SUSD5: variants seen among roughly 807,000 people sequenced by gnomAD.
The protein encoded by SUSD5 is sushi domain containing 5.
In SUSD5, 33 loss-of-function variants were observed where a neutral mutation model predicts 29.5. The ratio of observed to expected loss-of-function variants is 1.12; its 90% CI spans 0.85 to 1.49. The LOEUF (loss-of-function observed/expected upper bound fraction) is 1.49. SUSD5 is among the 40% of genes most tolerant of loss of function. SUSD5 has a pLI of 0.00. For missense variants in SUSD5, 776 were observed against 800.6 expected, an observed-to-expected ratio of 0.97 and a Z score of 0.37; for synonymous variants, 308 against 325.3, an observed-to-expected ratio of 0.95 and a Z score of 0.57.
intron 3 of SUSD5, chr3:33,190,117 T>C (rs2031861875): frequency 6.6e-6 from 1 of 152,666 alleles, no homozygotes; most frequent in Non-Finnish European, 1.5e-5. Context: ...AACAAAAATA[T>C]TCATCAGTCA....
chr3:33,211,294 C>A (rs528612075), intron 2 of SUSD5, among the ~76,000 whole-genome samples: 1 of 152,320 alleles, frequency 6.6e-6, no homozygotes, highest in South Asian at 2.1e-4. Flanking sequence ...CCTTTCTAAT[C>A]ATCCAGTCCT....
intron 4 of SUSD5, among the ~76,000 whole-genome samples, chr3:33,154,320 C>T (rs1207790661): frequency 2.0e-5 from 3 of 152,056 alleles, no homozygotes; most frequent in African/African-American, 7.2e-5. Context: ...GCCAGGAGTT[C>T]GAGACCAGCC....
In SUSD5 at chr3:33,174,938, C is replaced by A; in HGVS notation, c.546G>T (p.Leu182Phe). Residue 182 changes from leucine (L) to phenylalanine (F), a missense_variant, in exon 4 of 5, where the codon TTG becomes TTT. Transcript: ENST00000309558. ...IMGHRETAFT[L>F]LCNSCGEWYG... Reference sequence around the variant, plus strand: ...ACCACTCCCCACAGCTGTTACATAGCAAGGTGAAGGCGGTCTCCCGGTGGC... The same window carrying A: ...ACCACTCCCCACAGCTGTTACATAGAAAGGTGAAGGCGGTCTCCCGGTGGC... The A allele has an allele frequency of 6.2e-7, 1 of 1,614,024 alleles. No individual in the cohort carries two copies. The highest frequency in any genetic ancestry group is 2.2e-5 in the East Asian group (1 of 44,878).
intron 3 of SUSD5, among the ~76,000 whole-genome samples, chr3:33,191,148 G>C (rs1443748292): frequency 8.8e-5 from 11 of 124,654 alleles, no homozygotes; most frequent in African/African-American, 3.4e-4. Flanking sequence ...TTTTTTTTTT[G>C]AGATGGAGTC....
intron 4 of SUSD5, among the ~76,000 whole-genome samples, chr3:33,169,360 A>G (rs982848682): frequency 2.0e-5 from 3 of 152,102 alleles, no homozygotes; most frequent in Non-Finnish European, 2.9e-5. Context: ...AGCTGGGATT[A>G]CAGGCGCCCG....
At chr3:33,196,603 A>G (rs1300827724) in intron 3 of SUSD5, among the ~76,000 whole-genome samples, 1 of 152,188 alleles carries the variant, frequency 6.6e-6, no homozygotes. Context: ...TAACTACTCT[A>G]CCATTCTCAC....
intron 3 of SUSD5, among the ~76,000 whole-genome samples, chr3:33,200,918 C>T (rs928917236): frequency 6.6e-6 from 1 of 152,038 alleles, no homozygotes; most frequent in Admixed American, 6.6e-5. Context: ...GAAGGACTGG[C>T]CTGGCTCCTT....
rs747937063 is a variant in SUSD5 at position 33,153,467 on chromosome 3, C to G, written c.1165G>C (p.Glu389Gln). ...CCATCCCCTCTGTCCCCATCTTCTT[C>G]CTCTTCTGCCTCTGTCTTCCTCCAA... is the stretch of plus-strand genomic sequence containing the variant. ...GAWRKTEAEE[E>Q]EDGDRGDGSV... The change falls in exon 5 of 5, where the codon GAA becomes CAA. Residue 389 changes from glutamate to glutamine, a missense_variant. By Grantham distance (29) the Glu-to-Gln change is conservative. Coordinates refer to ENST00000309558, the MANE Select transcript of SUSD5 (RefSeq NM_015551.2). The G allele has an allele frequency of 4.3e-6, 7 of 1,614,124 alleles. No individual in the cohort carries two copies. The highest frequency in any genetic ancestry group is 5.9e-6 in the Non-Finnish European group (7 of 1,180,002).
intron 3 of SUSD5, 27 bp from the exon 4 acceptor site, chr3:33,175,101 T>A (rs1387535889): frequency 9.3e-6 from 15 of 1,611,812 alleles, no homozygotes; most frequent in Non-Finnish European, 1.2e-5. Flanking sequence ...ACAGTTAGCT[T>A]TTCCAAACTG....
intron 3 of SUSD5, among the ~76,000 whole-genome samples, chr3:33,181,027 A>G (rs1487346207): frequency 6.7e-6 from 1 of 148,828 alleles, no homozygotes; most frequent in African/African-American, 2.4e-5. Context: ...AAAAAAGTAT[A>G]GAATAAGGAT....
Position 33,180,377 on chromosome 3 carries a change from T to G in SUSD5, c.410-5303A>C, listed in dbSNP as rs556830816. 3.0e-4 allele frequency among the ~76,000 whole-genome samples: 45 copies of G among 152,342 alleles called. No individual in the cohort carries two copies. In the South Asian group the frequency reaches 7.7e-3, roughly 26 times the overall value. ...TTTAAAAAGTTAAAAAAAAATTTTT[T>G]TGAGACATGGTCTTGCTCTGTCACT... On this transcript the variant is annotated intron_variant, in intron 3 of 4. Transcript: ENST00000309558.
intron 1 of SUSD5, 131 bp from the exon 2 acceptor site, chr3:33,214,236 C>T: frequency 5.4e-6 from 4 of 739,228 alleles, no homozygotes; most frequent in Non-Finnish European, 8.4e-6. Context: ...GCAACTACCA[C>T]ATCCACATCC....
chr3:33,206,928 T>C lies in SUSD5; in HGVS notation c.409+880A>G, dbSNP rs577430324. On this transcript the variant is annotated intron_variant, in intron 3 of 4. Transcript: ENST00000309558. ...AATTACTCCCCCCACCCCTCCCCAA[T>C]GAGTCCAGTGTGCAGCCAAGAAGAA... Among the ~76,000 whole-genome samples, 283 of 151,838 alleles carry C rather than the reference T, an allele frequency of 1.9e-3. 1 individual carries two copies. Among genetic ancestry groups the C allele is most frequent in the African/African-American group, 6.7e-3 (279 of 41,490 alleles).
At chr3:33,184,303 C>T (rs1464442442) in intron 3 of SUSD5, among the ~76,000 whole-genome samples, 1 of 152,068 alleles carries the variant, frequency 6.6e-6, no homozygotes, top group African/African-American at 2.4e-5. Flanking sequence ...TACTTTTGCT[C>T]GTCCATAGAT....
chr3:33,216,355 A>G lies in SUSD5; in HGVS notation c.113-2250T>C, dbSNP rs1447469816. ...ATTCATTATTTAAAATCTTCCTACAAGAAAACCTTCAGACACAGATGATCT... is the reference window on the plus strand; with the variant it reads ...ATTCATTATTTAAAATCTTCCTACAGGAAAACCTTCAGACACAGATGATCT... On this transcript the variant is annotated intron_variant, in intron 1 of 4. Coordinates refer to ENST00000309558, the MANE Select transcript of SUSD5 (RefSeq NM_015551.2). Among the ~76,000 whole-genome samples the G allele has an allele frequency of 3.9e-5, 6 of 152,194 alleles. No individual in the cohort carries two copies. The East Asian group carries it at 1.2e-3, about 29-fold the overall frequency.
intron 3 of SUSD5, among the ~76,000 whole-genome samples, chr3:33,187,605 T>A (rs140491692): frequency 0.015 from 2,303 of 152,184 alleles, 54 homozygotes; most frequent in African/African-American, 0.052. Context: ...TACCTGGACC[T>A]TCTTCTCCTC....
chr3:33,178,327 TC>T (rs564126956), intron 3 of SUSD5, among the ~76,000 whole-genome samples: 4 of 152,240 alleles, frequency 2.6e-5, no homozygotes, highest in Non-Finnish European at 5.9e-5. Flanking sequence ...CTGGGATAAA[TC>T]CCACTTGGTT....
intron 3 of SUSD5, among the ~76,000 whole-genome samples, chr3:33,179,592 G>C (rs1303162818): frequency 1.3e-5 from 2 of 152,166 alleles, no homozygotes; most frequent in Non-Finnish European, 2.9e-5. Flanking sequence ...ATTTCTTTCA[G>C]GCTGGGTGCT....
chr3:33,174,763 C>T (rs542821717), intron 4 of SUSD5, 123 bp downstream of exon 4: 28 of 1,118,166 alleles, frequency 2.5e-5, no homozygotes, highest in Admixed American at 4.7e-5. Flanking sequence ...GGATAAAGGT[C>T]TGAAAGCCTC....
Sources: gnomAD v4.1 joint callset for allele counts (sites outside exome capture counted in the v4.1 genomes callset) on GRCh38, gnomAD v4.1.1 for gene constraint, MANE v1.5 for transcripts, NCBI Gene and HGNC (gene_info 2026-07-23, HGNC 2026-07-21) for gene names.